The following IL18R1 variants were observed in gnomAD, a reference collection of about 807,000 sequenced individuals.
The protein encoded by IL18R1 is interleukin-18 receptor 1.
IL18R1 carries 40 observed loss-of-function variants against 48.5 expected under a neutral mutation model. That is an observed-to-expected ratio of 0.82 (90% CI 0.64 to 1.07). The LOEUF is 1.07. Among genes scored for constraint, IL18R1 ranks in the 50% least tolerant of loss-of-function variants. IL18R1 has a pLI of 0.00. For synonymous variants in IL18R1, 232 were observed against 225.9 expected (o/e 1.03, Z -0.24); for missense variants, 596 against 633.7 (o/e 0.94, Z 0.64).
chr2:102,358,487 G>A (rs1254726814), intron 1 of IL18R1, among the ~76,000 whole-genome samples: 1 of 152,060 alleles, frequency 6.6e-6, no homozygotes, highest in Admixed American at 6.5e-5. Context: ...TATTCGTTAT[G>A]TGTGTGTACA....
At chr2:102,388,884 G>A (rs190335279) in intron 8 of IL18R1, among the ~76,000 whole-genome samples, 1 of 152,150 alleles carries the variant, frequency 6.6e-6, no homozygotes, top group East Asian at 1.9e-4. Flanking sequence ...ATTGCACCAA[G>A]ATGGCAAAAG....
At position 102,390,064 on chromosome 2, in the gene IL18R1, G is replaced by A. The variant is rs746672963; in HGVS notation, c.958G>A (p.Ala320Thr). 6.2e-7 allele frequency: 1 copy of A among 1,613,720 alleles called. No individual in the cohort carries two copies. Among genetic ancestry groups the A allele is most frequent in the African/African-American group, 1.3e-5 (1 of 74,948 alleles). The stretch of plus-strand genomic sequence containing the variant: ...TTCCCTTTCTTTTCTAGCAGACATG[G>A]CTGATATCCCAGGCCACGTCTTCAC... ...SFILVRKADM[A>T]DIPGHVFTRG... Residue 320 changes from alanine to threonine, a missense_variant, in exon 9 of 11, where the codon GCT (alanine) becomes ACT (threonine). Physicochemically the swap from Ala to Thr is moderately conservative, Grantham distance 58. Around this residue, in one of 3 missense-constraint regions of IL18R1, gnomAD observed 57 missense variants for 88.2 expected, o/e 0.65. Transcript: ENST00000233957.
chr2:102,395,266 A>G (rs1014854173), intron 10 of IL18R1, among the ~76,000 whole-genome samples: 1 of 152,124 alleles, frequency 6.6e-6, no homozygotes, highest in African/African-American at 2.4e-5. Context: ...TTAATGAGTA[A>G]CATTTTTAGA....
intron 6 of IL18R1, among the ~76,000 whole-genome samples, chr2:102,381,981 T>C (rs1679947529): frequency 6.6e-6 from 1 of 152,082 alleles, no homozygotes; most frequent in Non-Finnish European, 1.5e-5. Flanking sequence ...TTTCTAAATA[T>C]GAAAATTTAG....
At chr2:102,373,914 T>A (rs1461215502) in intron 4 of IL18R1, 1 of 433,250 alleles carries the variant, frequency 2.3e-6, no homozygotes, top group South Asian at 1.7e-5. Flanking sequence ...TGATGATCTG[T>A]CACTGTCTCC....
intron 9 of IL18R1, among the ~76,000 whole-genome samples, chr2:102,393,544 A>T (rs1680659582): frequency 6.6e-6 from 1 of 152,204 alleles, no homozygotes; most frequent in South Asian, 2.1e-4. Context: ...AGCATAAATG[A>T]TGTGGCACCA....
At chr2:102,365,713 C>T (rs1362407189) in intron 2 of IL18R1, among the ~76,000 whole-genome samples, 4 of 152,196 alleles carry the variant, frequency 2.6e-5, no homozygotes, top group Non-Finnish European at 5.9e-5. Context: ...AAACTTTTGC[C>T]TGGACATCCA....
intron 9 of IL18R1, among the ~76,000 whole-genome samples, chr2:102,392,707 A>G (rs1680617777): frequency 6.6e-6 from 1 of 152,224 alleles, no homozygotes; most frequent in Non-Finnish European, 1.5e-5. Flanking sequence ...AGGCAAATTT[A>G]AATTAAAACA....
At chr2:102,372,597 A>G (rs1679332029) in intron 4 of IL18R1, among the ~76,000 whole-genome samples, 1 of 104,690 alleles carries the variant, frequency 9.6e-6, no homozygotes, top group Non-Finnish European at 1.9e-5. Flanking sequence ...AATCCATCAC[A>G]GACTTTTTTT....
At position 102,357,853 on chromosome 2, in the gene IL18R1, C is replaced by G. The variant is rs143878214; in HGVS notation, c.-29+1453C>G. On this transcript the variant is annotated intron_variant, in intron 1 of 10. Transcript: ENST00000233957. Reference sequence around the variant, plus strand: ...TACAGATGAGAAGCCAGATTCCACACAAATTATTTTGTTTGTTAGAGTTTA... The same window carrying G: ...TACAGATGAGAAGCCAGATTCCACAGAAATTATTTTGTTTGTTAGAGTTTA... Among the ~76,000 whole-genome samples, 3 of 152,042 alleles carry G rather than the reference C, an allele frequency of 2.0e-5. No individual in the cohort carries two copies. The South Asian group carries it at 6.2e-4, about 32-fold the overall frequency.
At chr2:102,365,496 G>C (rs1484985813) in intron 2 of IL18R1, among the ~76,000 whole-genome samples, 1 of 152,114 alleles carries the variant, frequency 6.6e-6, no homozygotes, top group Non-Finnish European at 1.5e-5. Context: ...TTCTTTCATG[G>C]GCTGGTGTTG....
intron 8 of IL18R1, among the ~76,000 whole-genome samples, chr2:102,388,994 G>GTATATGTATATACATATATGCATGTA (rs1241779405): frequency 6.6e-6 from 1 of 151,972 alleles, no homozygotes; most frequent in Non-Finnish European, 1.5e-5. Flanking sequence ...ATGCCTTTTT[G>GTATATGTATATACATATATGCATGTA]TATATGTATA....
At chr2:102,373,486 T>C (rs1007800927) in intron 4 of IL18R1, among the ~76,000 whole-genome samples, 1 of 151,932 alleles carries the variant, frequency 6.6e-6, no homozygotes, top group Admixed American at 6.6e-5. Flanking sequence ...AGGGGATGTA[T>C]AGCATTAGGA....
At chr2:102,388,121 G>T (rs1573225634) in intron 8 of IL18R1, among the ~76,000 whole-genome samples, 1 of 152,178 alleles carries the variant, frequency 6.6e-6, no homozygotes, top group Non-Finnish European at 1.5e-5. Flanking sequence ...GAAACGGAAG[G>T]AGTGGGACAG....
intron 6 of IL18R1, among the ~76,000 whole-genome samples, chr2:102,383,951 C>A (rs764653071): frequency 2.6e-5 from 4 of 152,012 alleles, no homozygotes; most frequent in Non-Finnish European, 5.9e-5. Context: ...TATTAGCTGT[C>A]TTTTCTATTG....
At chr2:102,367,275 G>A (rs1322972520) in intron 2 of IL18R1, among the ~76,000 whole-genome samples, 1 of 152,108 alleles carries the variant, frequency 6.6e-6, no homozygotes, top group Non-Finnish European at 1.5e-5. Context: ...AATAATAAAT[G>A]TACACACACT....
At chr2:102,368,557 A>C (rs1247508988) in intron 3 of IL18R1, among the ~76,000 whole-genome samples, 1 of 152,094 alleles carries the variant, frequency 6.6e-6, no homozygotes, top group Non-Finnish European at 1.5e-5. Flanking sequence ...CTAGTGGAGG[A>C]AGTGTGTGTC....
At chr2:102,372,232 C>T (rs1019788925) in intron 4 of IL18R1, 114 bp downstream of exon 4, 2 of 806,524 alleles carry the variant, frequency 2.5e-6, no homozygotes, top group Non-Finnish European at 3.8e-6. Context: ...CCTGATCCCA[C>T]ATGGCTCACT....
At chr2:102,365,942 C>T (rs1678869010) in intron 2 of IL18R1, among the ~76,000 whole-genome samples, 2 of 152,146 alleles carry the variant, frequency 1.3e-5, no homozygotes, top group Admixed American at 1.3e-4. Context: ...AGAAAGGGAC[C>T]CTGGGCCCAT....
Sources: allele counts gnomAD v4.1 joint callset (sites outside exome capture counted in the v4.1 genomes callset), GRCh38; gene constraint gnomAD v4.1.1; regional missense constraint gnomAD v4.1.1; transcripts MANE v1.5; gene names NCBI Gene and HGNC (gene_info 2026-07-23, HGNC 2026-07-21).